The following CACNA1H variants were observed in gnomAD, a reference collection of about 807,000 sequenced individuals.
CACNA1H encodes calcium voltage-gated channel subunit alpha1 H.
A neutral mutation model predicts 192.5 loss-of-function variants in CACNA1H; 149 were observed. That is an observed-to-expected ratio of 0.77 (90% confidence interval 0.68 to 0.89). CACNA1H has a LOEUF of 0.89. Ranked by LOEUF, CACNA1H falls within the 40% of genes least tolerant of loss-of-function variation. CACNA1H has a pLI of 0.00. For synonymous variants in CACNA1H, 2,202 were observed against 1,475.2 expected, an observed-to-expected ratio of 1.49 and a Z score of -11.29; for missense variants, 4,257 against 3,423.5, an observed-to-expected ratio of 1.24 and a Z score of -6.08.
chr16:1,207,946 G>T (rs1331804937), intron 15 of CACNA1H, 67 bp from the exon 16 acceptor site: 15 of 1,541,066 alleles, frequency 9.7e-6, no homozygotes, highest in Admixed American at 5.8e-5. Context: ...GCAATCCCTA[G>T]GTTGGGGGAT....
Position 1,206,169 on chromosome 16 carries a change from G to C in CACNA1H, c.2669G>C (p.Arg890Pro). 1 of 1,586,408 alleles carries C rather than the reference G, an allele frequency of 6.3e-7. No homozygotes were observed. The highest frequency in any genetic ancestry group is 8.6e-7 in the Non-Finnish European group (1 of 1,167,886). Residue 890 changes from arginine to proline, a missense_variant, in exon 12 of 35, where the codon CGT (arginine) becomes CCT (proline). Physicochemically the swap from Arg to Pro is moderately radical, Grantham distance 103. Transcript: ENST00000348261. ...GTGCTGCGCACCTTCCGGCTGCTGCGTGTGCTGAAGCTGGTGCGCTTTCTG... is the reference window on the plus strand; with the variant it reads ...GTGCTGCGCACCTTCCGGCTGCTGCCTGTGCTGAAGCTGGTGCGCTTTCTG... ...LSVLRTFRLL[R>P]VLKLVRFLPA... is the part of the protein sequence containing the mutation.
chr16:1,186,190 A>G (rs58094843), intron 2 of CACNA1H, among the ~76,000 whole-genome samples: 15,614 of 103,390 alleles, frequency 0.15, 3,301 homozygotes, highest in African/African-American at 0.34. Flanking sequence ...GGGTGTGTGC[A>G]GGGCCAGGGT....
intron 2 of CACNA1H, among the ~76,000 whole-genome samples, chr16:1,160,934 C>G (rs999368193): frequency 2.0e-5 from 3 of 152,134 alleles, no homozygotes; most frequent in East Asian, 1.9e-4. Context: ...GTGCGGCCCC[C>G]CCCCAGCCTC....
At position 1,221,639 on chromosome 16, in the gene CACNA1H, C is replaced by A; in HGVS notation, c.*645C>A. On this transcript the variant is annotated 3_prime_UTR_variant, in exon 35 of 35. Transcript: ENST00000348261. ...ATCTGGGGGCGTTGGCCGCGAGATT[C>A]CCATTGACACCTTTGTTTCGTGTGC... 1.1e-6 allele frequency: 1 copy of A among 888,402 alleles called. No homozygotes were observed. The highest frequency in any genetic ancestry group is 2.8e-5 in the East Asian group (1 of 36,258). 55.0% of individuals were successfully genotyped at this position (888,402 alleles called of 1,614,324 possible). A position where few individuals can be genotyped will look rare whatever the true frequency, so the allele number is the denominator to read the frequency against.
In CACNA1H at chr16:1,195,943, T is replaced by C. The variant is rs767275498; in HGVS notation, c.563T>C (p.Leu188Ser). The change falls in exon 5 of 35, where the codon TTG becomes TCG. Residue 188 changes from leucine to serine, a missense_variant. Leu to Ser is a moderately radical substitution (Grantham distance 145). Transcript: ENST00000348261. ...GCCCCCAGCATGATGGAGTACTCGT[T>C]GGACGGACACAACGTGAGCCTCTCG... is the stretch of plus-strand genomic sequence containing the variant. ...IVVAGMMEYS[L>S]DGHNVSLSAI... 8 of 1,613,092 alleles carry C rather than the reference T, an allele frequency of 5.0e-6. No homozygotes were observed. In the Admixed American group the frequency reaches 6.7e-5, roughly 13 times the overall value.
intron 2 of CACNA1H, among the ~76,000 whole-genome samples, chr16:1,194,768 C>T (rs1424879250): frequency 6.6e-6 from 1 of 152,096 alleles, no homozygotes; most frequent in Non-Finnish European, 1.5e-5. Flanking sequence ...CGGAGCAGAG[C>T]CCGGCCAGGC....
chr16:1,173,054 C>T (rs1265334742), intron 2 of CACNA1H, among the ~76,000 whole-genome samples: 4 of 152,076 alleles, frequency 2.6e-5, no homozygotes, highest in African/African-American at 4.8e-5. Context: ...GGAGAGCCCT[C>T]TGTGTGGCCA....
chr16:1,221,243 C>T lies in CACNA1H; in HGVS notation c.*249C>T, dbSNP rs1236857218. ...TTGCTACCAGCCGAGGCTGTGCGGG[C>T]AACTGGGTCAGCCTCCCGTCAGGAG... is the stretch of plus-strand genomic sequence containing the variant. On this transcript the variant is annotated 3_prime_UTR_variant, in exon 35 of 35. Transcript: ENST00000348261. The T allele has an allele frequency of 2.3e-5, 11 of 488,388 alleles. No homozygotes were observed. Among genetic ancestry groups the T allele is most frequent in the South Asian group, 4.3e-5 (1 of 23,098 alleles). The allele number at this position is 488,388 out of a possible 1,614,324, so 30.3% of individuals were successfully genotyped here. A position where few individuals can be genotyped will look rare whatever the true frequency, so the allele number is the denominator to read the frequency against.
chr16:1,168,468 G>T (rs113067363), intron 2 of CACNA1H, among the ~76,000 whole-genome samples: 2 of 152,020 alleles, frequency 1.3e-5, no homozygotes, highest in East Asian at 1.9e-4. Context: ...TGCTTGGGCT[G>T]CTCTGGGGGA....
chr16:1,203,971 A>C, intron 9 of CACNA1H, 39 bp from the exon 10 acceptor site: 1 of 1,453,864 alleles, frequency 6.9e-7, no homozygotes, highest in Non-Finnish European at 9.2e-7. Context: ...TGGCAGCACC[A>C]CTGAGTGGGC....
intron 30 of CACNA1H, 111 bp downstream of exon 30, chr16:1,215,704 G>A: frequency 2.3e-6 from 2 of 888,674 alleles, no homozygotes; most frequent in Non-Finnish European, 1.8e-6. Flanking sequence ...CCTCGGTTGT[G>A]TGGTGGCTGA....
intron 4 of CACNA1H, 146 bp from the exon 5 acceptor site, chr16:1,195,780 A>G (rs922615065): frequency 5.8e-6 from 5 of 858,958 alleles, no homozygotes; most frequent in South Asian, 1.4e-5. Flanking sequence ...TGCTCCTGCT[A>G]CCTCGGGGCC....
chr16:1,166,309 T>C lies in CACNA1H; in HGVS notation c.299+12273T>C, dbSNP rs554246853. Among the ~76,000 whole-genome samples, 4 of 152,284 alleles carry C rather than the reference T, an allele frequency of 2.6e-5. No homozygotes were observed. The South Asian group carries it at 8.3e-4, about 32-fold the overall frequency. ...GCGGGAGACAGGAGCTCCCTGTGGC[T>C]CAGACCCTGCTCAGCTCCGTGGCTC... is the stretch of plus-strand genomic sequence containing the variant. On this transcript the variant is annotated intron_variant, in intron 2 of 34. Transcript: ENST00000348261.
chr16:1,182,064 T>G (rs1965534252), intron 2 of CACNA1H, among the ~76,000 whole-genome samples: 1 of 152,096 alleles, frequency 6.6e-6, no homozygotes. Context: ...GACACAACGC[T>G]CCCCAGGGTG....
intron 3 of CACNA1H, 54 bp downstream of exon 3, chr16:1,195,137 G>A (rs1966858857): frequency 1.7e-6 from 2 of 1,209,008 alleles, no homozygotes; most frequent in African/African-American, 1.5e-5. Flanking sequence ...CGAGGTTTAT[G>A]GTTCAAGGCG....
At chr16:1,154,678 C>T (rs1962064676) in intron 2 of CACNA1H, among the ~76,000 whole-genome samples, 1 of 152,192 alleles carries the variant, frequency 6.6e-6, no homozygotes, top group Non-Finnish European at 1.5e-5. Flanking sequence ...AGGCAATTGG[C>T]ACTGCCAAGG....
Position 1,221,093 on chromosome 16 carries a change from C to T in CACNA1H, c.*99C>T, listed in dbSNP as rs1369344893. On this transcript the variant is annotated 3_prime_UTR_variant, in exon 35 of 35. Transcript: ENST00000348261. ...ACCCTGCATGGACCCTGACTTGGGT[C>T]CCGTCGTGAGCAGAAAGGCCCGGGG... 6.3e-6 allele frequency: 6 copies of T among 959,734 alleles called. No individual in the cohort carries two copies. The highest frequency in any genetic ancestry group is 2.9e-5 in the Admixed American group (1 of 34,316). 59.5% of individuals were successfully genotyped at this position (959,734 alleles called of 1,614,324 possible).
chr16:1,212,007 G>C lies in CACNA1H; in HGVS notation c.4628G>C (p.Ser1543Thr). 2 of 1,613,540 alleles carry C rather than the reference G, an allele frequency of 1.2e-6. No homozygotes were observed. The highest frequency in any genetic ancestry group is 1.7e-6 in the Non-Finnish European group (2 of 1,179,714). Reference protein sequence around the residue: ...LYFISFLLIVSFFVLNMFVGV... With the variant: ...LYFISFLLIVTFFVLNMFVGV... The stretch of plus-strand genomic sequence containing the variant: ...TTCATCTCCTTCCTGCTCATCGTCA[G>C]CTTCTTCGTGCTCAACATGTTCGTG... The change falls in exon 25 of 35, where the codon AGC becomes ACC. Residue 1543 changes from serine to threonine, a missense_variant. Physicochemically the swap from Ser to Thr is moderately conservative, Grantham distance 58 (BLOSUM62 1). Transcript: ENST00000348261.
intron 2 of CACNA1H, among the ~76,000 whole-genome samples, chr16:1,189,231 T>A (rs1596364234): frequency 6.6e-6 from 1 of 151,860 alleles, no homozygotes; most frequent in African/African-American, 2.4e-5. Flanking sequence ...CGGGACTGGT[T>A]TTCTTCATGG....
Sources: allele counts gnomAD v4.1 joint callset (sites outside exome capture counted in the v4.1 genomes callset), GRCh38; gene constraint gnomAD v4.1.1; transcripts MANE v1.5; gene names NCBI Gene and HGNC (gene_info 2026-07-23, HGNC 2026-07-21).